The following CDHR2 variants were observed in gnomAD, a reference collection of about 807,000 sequenced individuals.
CDHR2 encodes the protein cadherin related family member 2.
Under a neutral mutation model 138.6 loss-of-function variants are expected in CDHR2, and 104 were observed. That is an observed-to-expected ratio of 0.75 (90% confidence interval 0.64 to 0.88). The LOEUF (loss-of-function observed/expected upper bound fraction) is 0.88, where lower values mean the gene tolerates loss of function less well. Among genes scored for constraint, CDHR2 ranks in the 40% least tolerant of loss-of-function variants. The pLI is 0.00. For synonymous variants in CDHR2, 755 were observed against 742.8 expected (o/e 1.02, Z -0.27); for missense variants, 1,624 against 1,727.6 (o/e 0.94, Z 1.06).
At chr5:176,574,025 G>T in intron 6 of CDHR2, 58 bp from the exon 7 acceptor site, 1 of 1,333,866 alleles carries the variant, frequency 7.5e-7, no homozygotes, top group East Asian at 2.3e-5. Flanking sequence ...GGGCAGTGAC[G>T]GACAAGGGAG....
intron 21 of CDHR2, among the ~76,000 whole-genome samples, chr5:176,588,395 G>C (rs1367083231): frequency 8.0e-6 from 1 of 125,708 alleles, no homozygotes; most frequent in Non-Finnish European, 1.7e-5. Flanking sequence ...AGTGTGTGGT[G>C]AGTGCATGAG....
upstream of CDHR2, among the ~76,000 whole-genome samples, chr5:176,545,932 G>C (rs1431118520): frequency 6.6e-6 from 1 of 152,254 alleles, no homozygotes; most frequent in South Asian, 2.1e-4. Flanking sequence ...GGGTCCAAAG[G>C]TCTGGGCAGG....
At chr5:176,581,638 C>G in intron 17 of CDHR2, 56 bp downstream of exon 17, 1 of 1,593,226 alleles carries the variant, frequency 6.3e-7, no homozygotes, top group East Asian at 2.2e-5. Context: ...GATAGCCAGC[C>G]CCTCCAGCTT....
At chr5:176,584,100 C>A in intron 17 of CDHR2, 90 bp from the exon 18 acceptor site, 2 of 1,091,682 alleles carry the variant, frequency 1.8e-6, no homozygotes, top group South Asian at 1.3e-5. Context: ...AGAGTCCATG[C>A]CTTGGAGCAC....
At chr5:176,594,332 C>T (rs753284340) in intron 31 of CDHR2, among the ~76,000 whole-genome samples, 21 of 152,166 alleles carry the variant, frequency 1.4e-4, no homozygotes, top group South Asian at 2.1e-4. Context: ...GAGCTGTCTG[C>T]CCCCTGCTCT....
At chr5:176,593,868 C>T (rs923254747) in intron 31 of CDHR2, among the ~76,000 whole-genome samples, 5 of 152,168 alleles carry the variant, frequency 3.3e-5, no homozygotes, top group Non-Finnish European at 4.4e-5. Flanking sequence ...CAGAGGCCTC[C>T]GGACAGGCCC....
chr5:176,590,568 C>T lies in CDHR2; in HGVS notation c.3420C>T (p.Ser1140=). The change falls in exon 28 of 32, where the codon TCC becomes TCT. Residue 1140 remains serine (S), a synonymous_variant. Coordinates refer to ENST00000261944, the MANE Select transcript of CDHR2 (RefSeq NM_017675.6). ...TCACACTCATCTTTCTCCAGGGCTC[C>T]CAGGAGAGCCAGGAGTCAGACCTGT... The part of the protein sequence containing the change: ...LLQLGLVVLG[S]QESQESDLSK... The T allele has an allele frequency of 1.2e-6, 2 of 1,613,992 alleles. No individual in the cohort carries two copies. Among genetic ancestry groups the T allele is most frequent in the Non-Finnish European group, 8.5e-7 (1 of 1,179,984 alleles).
At position 176,595,785 on chromosome 5, in the gene CDHR2, A is replaced by C; in HGVS notation, c.*113A>C. ...CTGCCCTGCCTCCTGCTTTTGGCCA[A>C]TCACGGCAGACAGGGGTTGGGGAAA... On this transcript the variant is annotated 3_prime_UTR_variant, in exon 32 of 32. Coordinates refer to ENST00000261944, the MANE Select transcript of CDHR2 (RefSeq NM_017675.6). 2.8e-6 allele frequency: 3 copies of C among 1,063,920 alleles called. No individual in the cohort carries two copies. The highest frequency in any genetic ancestry group is 3.9e-6 in the Non-Finnish European group (3 of 768,166). 65.9% of individuals were successfully genotyped at this position (1,063,920 alleles called of 1,614,324 possible).
intron 1 of CDHR2, among the ~76,000 whole-genome samples, chr5:176,557,056 C>G (rs1293032768): frequency 1.4e-5 from 2 of 147,354 alleles, no homozygotes; most frequent in Non-Finnish European, 3.0e-5. Context: ...GCTCTGTTGC[C>G]CAAGGCTGGA....
At chr5:176,571,401 G>T in intron 6 of CDHR2, 99 bp downstream of exon 6, 3 of 763,186 alleles carry the variant, frequency 3.9e-6, no homozygotes, top group Non-Finnish European at 6.0e-6. Context: ...TTCAGAGTTG[G>T]GAAAAACCTC....
rs1284846006 is a variant in CDHR2, at chr5:176,576,724, G to A, written c.1194+539G>A. ...CCCAAGTAGCTGTGATTACAGGTGT[G>A]CACCACCTCGCCCAGCTAATTTTTG... On this transcript the variant is annotated intron_variant, in intron 12 of 31. Coordinates refer to ENST00000261944, the MANE Select transcript of CDHR2 (RefSeq NM_017675.6). The surrounding 1 kb of genome is among the most constrained non-coding windows in gnomAD (Gnocchi z 4.5). 4.6e-5 allele frequency among the ~76,000 whole-genome samples: 7 copies of A among 152,080 alleles called. No individual in the cohort carries two copies. Among genetic ancestry groups the A allele is most frequent in the Non-Finnish European group, 8.8e-5 (6 of 67,990 alleles).
intron 6 of CDHR2, among the ~76,000 whole-genome samples, chr5:176,572,418 A>AAATAAATAAT (rs1554142289): frequency 2.0e-4 from 24 of 117,282 alleles, no homozygotes; most frequent in African/African-American, 7.9e-4. Context: ...AATAAATAAT[A>AAATAAATAAT]AAAAAATTAA....
chr5:176,559,039 C>T (rs1049912810), intron 1 of CDHR2, among the ~76,000 whole-genome samples: 2 of 152,230 alleles, frequency 1.3e-5, no homozygotes, highest in African/African-American at 2.4e-5. Flanking sequence ...CCTCAACGCA[C>T]AGGCCTCTTA....
intron 28 of CDHR2, 28 bp downstream of exon 28, chr5:176,590,715 C>T (rs1008987637): frequency 2.5e-6 from 4 of 1,612,068 alleles, no homozygotes; most frequent in African/African-American, 2.7e-5. Context: ...CCCGTGTCTC[C>T]AACCTTCACC....
intron 21 of CDHR2, among the ~76,000 whole-genome samples, chr5:176,588,498 G>T (rs560311627): frequency 7.3e-4 from 95 of 130,314 alleles, no homozygotes; most frequent in African/African-American, 2.7e-3. Flanking sequence ...AGTGTGTGAG[G>T]GTGTGTATGA....
At chr5:176,544,684 C>T (rs953593940), upstream of CDHR2, among the ~76,000 whole-genome samples, 2 of 152,140 alleles carry the variant, frequency 1.3e-5, no homozygotes, top group Non-Finnish European at 2.9e-5. Context: ...GTGATCCGCC[C>T]GCCTCGGCCT....
intron 1 of CDHR2, among the ~76,000 whole-genome samples, chr5:176,555,672 C>G (rs575822498): frequency 6.6e-6 from 1 of 152,050 alleles, no homozygotes; most frequent in Non-Finnish European, 1.5e-5. Flanking sequence ...TTTGGGAGGC[C>G]GAGGTGGGTG....
intron 20 of CDHR2, 105 bp downstream of exon 20, chr5:176,586,130 G>C: frequency 1.2e-6 from 1 of 823,848 alleles, no homozygotes; most frequent in East Asian, 2.5e-5. Flanking sequence ...TTTAGAAAGG[G>C]GGGAAGGCCT....
chr5:176,544,340 CCTTT>C (rs1471300169), upstream of CDHR2, among the ~76,000 whole-genome samples: 16 of 150,996 alleles, frequency 1.1e-4, no homozygotes, highest in East Asian at 1.4e-3. Context: ...TTCCTTCCTT[CCTTT>C]CTTTTTTCTT....
Sources: gnomAD v4.1 joint callset for allele counts (sites outside exome capture counted in the v4.1 genomes callset) on GRCh38, gnomAD v4.1.1 for gene constraint, Gnocchi (gnomAD v3.1) non-coding constraint, MANE v1.5 for transcripts, NCBI Gene and HGNC (gene_info 2026-07-23, HGNC 2026-07-21) for gene names.